Variants in CYP3A7 observed in about 807,000 individuals in gnomAD.
CYP3A7 encodes the protein cytochrome P450 3A7.
CYP3A7 carries 45 observed loss-of-function variants against 55.2 expected under a neutral mutation model. That is an observed-to-expected ratio of 0.82 (90% CI 0.64 to 1.05). The LOEUF (loss-of-function observed/expected upper bound fraction) is 1.05. Among genes scored for constraint, CYP3A7 ranks in the 50% least tolerant of loss-of-function variants. CYP3A7 has a pLI of 0.00. For missense variants in CYP3A7, 548 were observed against 605.3 expected, an observed-to-expected ratio of 0.91 and a Z score of 0.99; for synonymous variants, 180 against 207.4, an observed-to-expected ratio of 0.87 and a Z score of 1.13.
At chr7:99,714,524 AC>A (rs1479252210) in intron 8 of CYP3A7, 30 bp downstream of exon 8, 1 of 1,610,194 alleles carries the variant, frequency 6.2e-7, no homozygotes, top group Non-Finnish European at 8.5e-7. Context: ...TGAAAACTAA[AC>A]ATCCTCCTAT....
At chr7:99,708,053 G>T in intron 11 of CYP3A7, 79 bp from the exon 12 acceptor site, 1 of 1,599,182 alleles carries the variant, frequency 6.3e-7, no homozygotes, top group Non-Finnish European at 8.6e-7. Context: ...TTCTTACTTA[G>T]GGCCCACCCC....
intron 9 of CYP3A7, among the ~76,000 whole-genome samples, chr7:99,712,742 A>T (rs1813804787): frequency 6.6e-6 from 1 of 152,182 alleles, no homozygotes; most frequent in Non-Finnish European, 1.5e-5. Context: ...GCTCTCTAGA[A>T]CCAATGATTA....
intron 11 of CYP3A7, 40 bp from the exon 12 acceptor site, chr7:99,708,014 T>G: frequency 6.2e-7 from 1 of 1,613,282 alleles, no homozygotes; most frequent in Non-Finnish European, 8.5e-7. Context: ...GTTAAAGACA[T>G]AATACCTCTA....
At chr7:99,720,809 A>G (rs771510004) in intron 3 of CYP3A7, 21 of 189,304 alleles carry the variant, frequency 1.1e-4, no homozygotes, top group Non-Finnish European at 1.8e-4. Context: ...TGGAAAATTG[A>G]AGGCAAGTAA....
chr7:99,720,413 C>CTG lies in CYP3A7; in HGVS notation c.219-3_219-2dup. The CTG allele has an allele frequency of 6.2e-7, 1 of 1,613,474 alleles. No homozygotes were observed. Among genetic ancestry groups the CTG allele is most frequent in the East Asian group, 2.2e-5 (1 of 44,844 alleles). ...CATAGGCTGTTGACAGTCATAAATA[C>CTG]TGTGTGGAGAAAACAGAGTTGATTA... On this transcript the variant is annotated splice_acceptor_variant, in intron 3 of 12. Coordinates refer to ENST00000336374, the MANE Select transcript of CYP3A7 (RefSeq NM_000765.5). LOFTEE classifies it high-confidence loss of function.
rs1814594680 is a variant in CYP3A7, at chr7:99,731,046, C to CA, written c.165+12dup. 6.2e-7 allele frequency: 1 copy of CA among 1,613,464 alleles called. No individual in the cohort carries two copies. On this transcript the variant is annotated intron_variant, in intron 2 of 12. Coordinates refer to ENST00000336374, the MANE Select transcript of CYP3A7 (RefSeq NM_000765.5). ...ATCATAAGAAGCAAAAGAGGAAGCT[C>CA]AAAAACACTCACCTTACGGAAGGAC...
intron 4 of CYP3A7, among the ~76,000 whole-genome samples, chr7:99,718,141 A>G (rs1814043135): frequency 6.6e-6 from 1 of 152,022 alleles, no homozygotes. Flanking sequence ...GAGAGGGGGG[A>G]AGGATAGCAT....
chr7:99,706,268 A>G (rs1813520449), intron 12 of CYP3A7, among the ~76,000 whole-genome samples: 1 of 152,130 alleles, frequency 6.6e-6, no homozygotes, highest in African/African-American at 2.4e-5. Context: ...TCTGATCTCC[A>G]TGGAGTGATG....
chr7:99,725,733 C>T (rs1814386269), intron 2 of CYP3A7, among the ~76,000 whole-genome samples: 2 of 152,324 alleles, frequency 1.3e-5, no homozygotes, highest in South Asian at 4.1e-4. Flanking sequence ...GGCTTAGTGG[C>T]TGAAGACTGA....
intron 11 of CYP3A7, 127 bp from the exon 12 acceptor site, chr7:99,708,101 C>A: frequency 7.7e-7 from 1 of 1,303,642 alleles, no homozygotes; most frequent in African/African-American, 1.5e-5. Context: ...GTGGGCTAGT[C>A]ACTGAAATCC....
At chr7:99,724,624 C>A (rs756565691) in intron 2 of CYP3A7, among the ~76,000 whole-genome samples, 1 of 152,086 alleles carries the variant, frequency 6.6e-6, no homozygotes, top group South Asian at 2.1e-4. Flanking sequence ...TCTGCTCCCC[C>A]ACCCTATAAT....
intron 11 of CYP3A7, among the ~76,000 whole-genome samples, chr7:99,708,498 A>T (rs1287886757): frequency 7.3e-5 from 11 of 151,090 alleles, no homozygotes; most frequent in South Asian, 2.1e-4. Context: ...TCCTTCTTCT[A>T]ATCTCCATCT....
intron 11 of CYP3A7, among the ~76,000 whole-genome samples, chr7:99,708,660 G>A (rs184063357): frequency 1.1e-4 from 17 of 152,164 alleles, no homozygotes; most frequent in African/African-American, 3.4e-4. Context: ...AAGATTAGAC[G>A]CATGTTTTTT....
chr7:99,711,178 C>T (rs1813735684), intron 9 of CYP3A7, among the ~76,000 whole-genome samples: 1 of 152,184 alleles, frequency 6.6e-6, no homozygotes, highest in Non-Finnish European at 1.5e-5. Flanking sequence ...CCAGAGAGAA[C>T]ATTTCTGCAT....
At chr7:99,719,374 A>G (rs1814093389) in intron 4 of CYP3A7, among the ~76,000 whole-genome samples, 1 of 152,214 alleles carries the variant, frequency 6.6e-6, no homozygotes, top group African/African-American at 2.4e-5. Flanking sequence ...TTTTAACAAT[A>G]TGCCCACATT....
Position 99,710,817 on chromosome 7 carries a change from A to G in CYP3A7, c.941T>C (p.Leu314Pro), listed in dbSNP as rs1408465440. 6.2e-7 allele frequency: 1 copy of G among 1,613,914 alleles called. No homozygotes were observed. The highest frequency in any genetic ancestry group is 8.5e-7 in the Non-Finnish European group (1 of 1,179,882). ...FAGYETTSSV[L>P]SFIIYELATH... is the part of the protein sequence containing the mutation. ...GGCCAGTTCATATATAATGAAGGAG[A>G]GAACACTGCTCGTGGTTTCATAGCC... Residue 314 changes from leucine to proline, a missense_variant, in exon 10 of 13, where the codon CTC becomes CCC. Coordinates refer to ENST00000336374, the MANE Select transcript of CYP3A7 (RefSeq NM_000765.5).
intron 1 of CYP3A7, among the ~76,000 whole-genome samples, chr7:99,733,678 G>A (rs1230140133): frequency 1.3e-5 from 2 of 152,164 alleles, no homozygotes; most frequent in African/African-American, 4.8e-5. Context: ...TGTCCTTCAA[G>A]TGACCTCCAC....
chr7:99,718,135 G>T (rs151236044), intron 4 of CYP3A7, among the ~76,000 whole-genome samples: 7 of 152,048 alleles, frequency 4.6e-5, no homozygotes, highest in African/African-American at 9.7e-5. Context: ...GGTGGGGAGA[G>T]GGGGGAAGGA....
chr7:99,731,019 C>T, intron 2 of CYP3A7, 40 bp downstream of exon 2: 1 of 1,609,954 alleles, frequency 6.2e-7, no homozygotes, highest in Middle Eastern at 1.7e-4. Context: ...TTGCTCTTTG[C>T]AATCATAAGA....
Sources: allele counts gnomAD v4.1 joint callset (sites outside exome capture counted in the v4.1 genomes callset), GRCh38; gene constraint gnomAD v4.1.1; transcripts MANE v1.5; gene names NCBI Gene and HGNC (gene_info 2026-07-23, HGNC 2026-07-21).